The following MDFIC variants were observed in gnomAD, a reference collection of about 807,000 sequenced individuals.
MDFIC encodes MyoD family inhibitor domain containing.
A neutral mutation model predicts 23.2 loss-of-function variants in MDFIC; 17 were observed. The observed-to-expected ratio is 0.73, with a 90% CI of 0.50 to 1.10. MDFIC has a LOEUF of 1.10. Among genes scored for constraint, MDFIC ranks in the 50% least tolerant of loss-of-function variants. The pLI is 0.00. For synonymous variants in MDFIC, 120 were observed against 115.2 expected (o/e 1.04, Z -0.27); for missense variants, 356 against 316.6 (o/e 1.12, Z -0.95).
At chr7:114,984,328 A>T (rs989324256) in intron 4 of MDFIC, among the ~76,000 whole-genome samples, 3 of 149,956 alleles carry the variant, frequency 2.0e-5, no homozygotes, top group African/African-American at 7.3e-5. Context: ...ATCTAAGTCA[A>T]TTTTTTTTTT....
At chr7:114,941,364 G>T (rs575221581) in intron 2 of MDFIC, among the ~76,000 whole-genome samples, 1 of 151,968 alleles carries the variant, frequency 6.6e-6, no homozygotes, top group Non-Finnish European at 1.5e-5. Context: ...TCAAACCTTC[G>T]CAGTCTTCTG....
intron 3 of MDFIC, among the ~76,000 whole-genome samples, chr7:114,973,688 C>G (rs1289415359): frequency 2.0e-5 from 3 of 152,112 alleles, no homozygotes; most frequent in Admixed American, 6.6e-5. Context: ...TTTATCCTTT[C>G]TTTGGGGATG....
At chr7:114,983,499 A>G (rs563049996) in intron 4 of MDFIC, among the ~76,000 whole-genome samples, 1 of 151,972 alleles carries the variant, frequency 6.6e-6, no homozygotes, top group East Asian at 1.9e-4. Flanking sequence ...AAGATGTTTT[A>G]ACATGTCTTT....
chr7:114,986,032 GT>G (rs11314179), intron 4 of MDFIC, among the ~76,000 whole-genome samples: 47,199 of 138,200 alleles, frequency 0.34, 6,781 homozygotes, highest in African/African-American at 0.36. Flanking sequence ...TACCTTTGCA[GT>G]TTTTTTTTTT....
At chr7:114,950,913 C>T (rs1230290885) in intron 3 of MDFIC, among the ~76,000 whole-genome samples, 1 of 152,132 alleles carries the variant, frequency 6.6e-6, no homozygotes, top group African/African-American at 2.4e-5. Context: ...GTGGCTCACA[C>T]CTGTAATCCC....
chr7:114,922,880 T>C, intron 1 of MDFIC, 47 bp from the exon 2 acceptor site: 1 of 1,531,588 alleles, frequency 6.5e-7, no homozygotes, highest in Non-Finnish European at 8.8e-7. Context: ...TGGTGTGCTC[T>C]TCTCTAAAAA....
At chr7:114,971,764 G>A (rs567417712) in intron 3 of MDFIC, among the ~76,000 whole-genome samples, 89 of 152,052 alleles carry the variant, frequency 5.9e-4, no homozygotes, top group African/African-American at 2.1e-3. Flanking sequence ...ACTATCTGGG[G>A]ATGTTTTAGT....
chr7:114,995,655 C>G (rs1791309158), intron 4 of MDFIC, among the ~76,000 whole-genome samples: 1 of 152,218 alleles, frequency 6.6e-6, no homozygotes, highest in Admixed American at 6.5e-5. Flanking sequence ...GGCTGCAGAA[C>G]AGCAAATATT....
chr7:114,924,230 T>C (rs1792145948), intron 2 of MDFIC, among the ~76,000 whole-genome samples: 1 of 152,226 alleles, frequency 6.6e-6, no homozygotes, highest in Non-Finnish European at 1.5e-5. Flanking sequence ...GATAAACATA[T>C]GTTTTCTGAG....
At chr7:114,967,131 TG>T (rs1244921347) in intron 3 of MDFIC, among the ~76,000 whole-genome samples, 1 of 152,228 alleles carries the variant, frequency 6.6e-6, no homozygotes, top group African/African-American at 2.4e-5. Context: ...TGTTGCTCTC[TG>T]AACATTTGCA....
chr7:114,983,690 C>CCTGAGTAG, intron 4 of MDFIC, among the ~76,000 whole-genome samples: 1 of 151,132 alleles, frequency 6.6e-6, no homozygotes, highest in Non-Finnish European at 1.5e-5. Flanking sequence ...GCCTCAGCCT[C>CCTGAGTAG]CTGAGTAGCT....
intron 3 of MDFIC, among the ~76,000 whole-genome samples, chr7:114,975,112 C>T (rs997644619): frequency 6.6e-6 from 1 of 151,486 alleles, no homozygotes; most frequent in African/African-American, 2.4e-5. Flanking sequence ...GTAGAAGCAC[C>T]TATCCTGTTT....
chr7:115,013,602 A>T (rs1791726506), intron 4 of MDFIC, among the ~76,000 whole-genome samples: 1 of 152,238 alleles, frequency 6.6e-6, no homozygotes, highest in Non-Finnish European at 1.5e-5. Context: ...GATAATATGG[A>T]TATTCACTTG....
chr7:114,932,025 T>C (rs765288290), intron 2 of MDFIC, among the ~76,000 whole-genome samples: 3 of 152,204 alleles, frequency 2.0e-5, no homozygotes, highest in Non-Finnish European at 2.9e-5. Flanking sequence ...TGGGTTTCTA[T>C]AAACATAGTT....
chr7:114,955,461 A>G (rs1792865710), intron 3 of MDFIC, among the ~76,000 whole-genome samples: 1 of 152,042 alleles, frequency 6.6e-6, no homozygotes, highest in South Asian at 2.1e-4. Flanking sequence ...TATCTCTCCT[A>G]AAGGACTCAT....
chr7:114,953,710 A>G (rs2115826269), intron 3 of MDFIC, among the ~76,000 whole-genome samples: 1 of 152,304 alleles, frequency 6.6e-6, no homozygotes, highest in South Asian at 2.1e-4. Context: ...AGGGCCCCTG[A>G]GCATACCCTA....
intron 4 of MDFIC, among the ~76,000 whole-genome samples, chr7:115,010,828 A>C (rs1048880696): frequency 1.6e-4 from 25 of 152,262 alleles, no homozygotes; most frequent in Middle Eastern, 3.4e-3. Context: ...CTCCTTCCAC[A>C]CTGCCTTCTC....
At chr7:114,993,164 G>T (rs1167337013) in intron 4 of MDFIC, among the ~76,000 whole-genome samples, 1 of 152,156 alleles carries the variant, frequency 6.6e-6, no homozygotes, top group East Asian at 1.9e-4. Flanking sequence ...ATTCTCTGAT[G>T]GTAGTTTGTA....
intron 3 of MDFIC, among the ~76,000 whole-genome samples, chr7:114,960,654 C>T (rs1166131991): frequency 1.3e-5 from 2 of 152,130 alleles, no homozygotes; most frequent in African/African-American, 4.8e-5. Context: ...GTCCCAGACA[C>T]TCAGATTTAA....
Sources: allele counts gnomAD v4.1 joint callset (sites outside exome capture counted in the v4.1 genomes callset), GRCh38; gene constraint gnomAD v4.1.1; transcripts MANE v1.5; gene names NCBI Gene and HGNC (gene_info 2026-07-23, HGNC 2026-07-21).